Variants in DPH6 observed in about 807,000 individuals in gnomAD.
DPH6 encodes diphthine--ammonia ligase.
DPH6 carries 33 observed loss-of-function variants against 38.2 expected under a neutral mutation model. That is an observed-to-expected ratio of 0.86 (90% CI 0.65 to 1.15). The LOEUF is 1.15. Ranked by LOEUF, DPH6 falls within the 50% of genes most tolerant of loss-of-function variation. DPH6 has a pLI of 0.00. For synonymous variants in DPH6, 108 were observed against 103.0 expected, an observed-to-expected ratio of 1.05 and a Z score of -0.30; for missense variants, 325 against 320.0, an observed-to-expected ratio of 1.02 and a Z score of -0.12.
chr15:35,433,011 A>T (rs1328928303), intron 5 of DPH6, among the ~76,000 whole-genome samples: 1 of 152,186 alleles, frequency 6.6e-6, no homozygotes, highest in Non-Finnish European at 1.5e-5. Flanking sequence ...GTACCCACTA[A>T]ACCTAAAATA....
At chr15:35,249,326 C>T (rs942853915) in intron 3 of DPH6, among the ~76,000 whole-genome samples, 2 of 151,910 alleles carry the variant, frequency 1.3e-5, no homozygotes, top group Non-Finnish European at 2.9e-5. Flanking sequence ...TGAGATTAGA[C>T]AAAAATATTT....
chr15:35,295,270 C>A (rs1333223698), intron 3 of DPH6, among the ~76,000 whole-genome samples: 1 of 152,184 alleles, frequency 6.6e-6, no homozygotes, highest in Non-Finnish European at 1.5e-5. Context: ...TTTCCTTGGA[C>A]CCTATGGAAA....
At chr15:35,402,829 GA>G (rs2053238605) in intron 6 of DPH6, among the ~76,000 whole-genome samples, 1 of 151,828 alleles carries the variant, frequency 6.6e-6, no homozygotes, top group Non-Finnish European at 1.5e-5. Flanking sequence ...TAGAAAAGAT[GA>G]CAATCATAAT....
At chr15:35,493,390 A>G (rs1197331916) in intron 3 of DPH6, among the ~76,000 whole-genome samples, 1 of 152,132 alleles carries the variant, frequency 6.6e-6, no homozygotes, top group Non-Finnish European at 1.5e-5. Context: ...GAAAAAGAGC[A>G]GAAAGCAGTA....
intron 3 of DPH6, among the ~76,000 whole-genome samples, chr15:35,473,941 TGTGTGTGTGTGTGTGTGCGCGC>T (rs1363899359): frequency 1.3e-4 from 11 of 86,386 alleles, no homozygotes; most frequent in African/African-American, 3.4e-4. Context: ...TGTGTGTGTG[TGTGTGTGTGTGTGTGTGCGCGC>T]GCGCGCGTGA....
chr15:35,372,267 T>C (rs774323466), intron 8 of DPH6, 64 bp from the exon 9 acceptor site: 3 of 1,278,200 alleles, frequency 2.3e-6, no homozygotes, highest in Non-Finnish European at 3.1e-6. Flanking sequence ...TCAGTGAATA[T>C]GACACTTCAA....
chr15:35,435,380 G>A (rs1192219379), intron 5 of DPH6, among the ~76,000 whole-genome samples: 1 of 152,198 alleles, frequency 6.6e-6, no homozygotes, highest in Non-Finnish European at 1.5e-5. Flanking sequence ...TTCAAAAAAG[G>A]CAAACATTGA....
chr15:35,292,306 T>C (rs1442646510), intron 3 of DPH6, among the ~76,000 whole-genome samples: 4 of 152,170 alleles, frequency 2.6e-5, no homozygotes, highest in African/African-American at 9.6e-5. Flanking sequence ...ATTGTCTACC[T>C]GGTCCTAACC....
At chr15:35,145,106 A>G in the DPH6 span, among the ~76,000 whole-genome samples, 1 of 151,840 alleles carries the variant, frequency 6.6e-6, no homozygotes, top group African/African-American at 2.4e-5. Flanking sequence ...ATTGATTAAA[A>G]TAAGTATTCT....
At chr15:35,271,723 C>G (rs1332060548) in intron 3 of DPH6, among the ~76,000 whole-genome samples, 7 of 152,158 alleles carry the variant, frequency 4.6e-5, no homozygotes, top group Admixed American at 4.6e-4. Context: ...AACATGGAAT[C>G]TCTGGGGCTG....
intron 6 of DPH6, among the ~76,000 whole-genome samples, chr15:35,386,193 C>T (rs2052953704): frequency 6.6e-6 from 1 of 152,190 alleles, no homozygotes; most frequent in Non-Finnish European, 1.5e-5. Flanking sequence ...TTTTTTATGG[C>T]TGCATAGTAT....
chr15:35,406,425 T>C (rs1182987446), intron 6 of DPH6, among the ~76,000 whole-genome samples: 1 of 149,968 alleles, frequency 6.7e-6, no homozygotes, highest in East Asian at 1.9e-4. Flanking sequence ...GAAAGTGTAA[T>C]ATGATATGAT....
intron 3 of DPH6, chr15:35,237,017 G>A: frequency 3.4e-6 from 1 of 297,192 alleles, no homozygotes; most frequent in Non-Finnish European, 6.2e-6. Flanking sequence ...AGTTGTTGAA[G>A]GAAGTTTTAT....
At chr15:35,499,885 C>T (rs932039109) in intron 3 of DPH6, among the ~76,000 whole-genome samples, 1 of 152,156 alleles carries the variant, frequency 6.6e-6, no homozygotes, top group African/African-American at 2.4e-5. Context: ...CCAGTAGAAG[C>T]AAGAATGAGG....
chr15:35,520,220 C>CAAAAAAAAAAAAA lies in DPH6; in HGVS notation c.312+18053_312+18054insTTTTTTTTTTTTT, dbSNP rs1353792195. On this transcript the variant is annotated intron_variant, in intron 3 of 8. Transcript: ENST00000256538. ...CTCTCACGTGAAAGTAAACATGCTACAAAAAAAAACAAAAAAAAAACAAAA... is the reference window on the plus strand; with the variant it reads ...CTCTCACGTGAAAGTAAACATGCTACAAAAAAAAAAAAAAAAAAAAAACAAAAAAAAAACAAAA... 2.3e-5 allele frequency: 10 copies of CAAAAAAAAAAAAA among 435,268 alleles called. No individual in the cohort carries two copies. In the African/African-American group the frequency reaches 2.8e-4, roughly 12 times the overall value. The allele number at this position is 435,268 out of a possible 1,614,324, so 27.0% of individuals were successfully genotyped here. A position where few individuals can be genotyped will look rare whatever the true frequency, so the allele number is the denominator to read the frequency against.
At chr15:35,404,237 A>G (rs1320053269) in intron 6 of DPH6, among the ~76,000 whole-genome samples, 2 of 152,292 alleles carry the variant, frequency 1.3e-5, no homozygotes, top group African/African-American at 4.8e-5. Flanking sequence ...TTTTGGGTAT[A>G]TATCTAGCAG....
chr15:35,355,696 T>G (rs1356475408), intron 3 of DPH6, among the ~76,000 whole-genome samples: 1 of 152,242 alleles, frequency 6.6e-6, no homozygotes, highest in Non-Finnish European at 1.5e-5. Flanking sequence ...ACCCAACCTT[T>G]CTCTCTGGCT....
chr15:35,316,906 A>C (rs1054314626), intron 3 of DPH6, among the ~76,000 whole-genome samples: 5 of 152,184 alleles, frequency 3.3e-5, no homozygotes, highest in Non-Finnish European at 7.3e-5. Flanking sequence ...CAGACAATGG[A>C]AATATATCTT....
chr15:35,181,040 T>C, the DPH6 span, among the ~76,000 whole-genome samples: 2 of 152,244 alleles, frequency 1.3e-5, no homozygotes, highest in Admixed American at 6.5e-5. Flanking sequence ...TTAAGGGCAC[T>C]GATACTAGCC....
Sources: allele counts gnomAD v4.1 joint callset (sites outside exome capture counted in the v4.1 genomes callset), GRCh38; gene constraint gnomAD v4.1.1; transcripts MANE v1.5; gene names NCBI Gene and HGNC (gene_info 2026-07-23, HGNC 2026-07-21).